The following ATXN7 variants were observed in gnomAD, a reference collection of about 807,000 sequenced individuals.
The protein encoded by ATXN7 is ataxin 7.
ATXN7 carries 12 observed loss-of-function variants against 70.5 expected under a neutral mutation model. The observed-to-expected ratio is 0.17, with a 90% confidence interval of 0.11 to 0.28. ATXN7 has a LOEUF of 0.28. Ranked by LOEUF, ATXN7 falls within the 10% of genes least tolerant of loss-of-function variation. The pLI is 1.00. For missense variants in ATXN7, 1,256 were observed against 1,131.7 expected (o/e 1.11, Z -1.58); for synonymous variants, 498 against 448.7 (o/e 1.11, Z -1.39).
At chr3:63,896,678 G>A (rs2107259258) in intron 1 of ATXN7, among the ~76,000 whole-genome samples, 1 of 152,284 alleles carries the variant, frequency 6.6e-6, no homozygotes. Flanking sequence ...CCATACTAAA[G>A]AAAGGCTCTT....
At chr3:63,989,379 C>T (rs1456546185) in intron 9 of ATXN7, among the ~76,000 whole-genome samples, 1 of 152,220 alleles carries the variant, frequency 6.6e-6, no homozygotes, top group African/African-American at 2.4e-5. Flanking sequence ...AGGCTATCCA[C>T]ATAAAGTGGT....
At chr3:63,892,401 CACACACACA>C (rs1575854764) in intron 1 of ATXN7, among the ~76,000 whole-genome samples, 3 of 150,684 alleles carry the variant, frequency 2.0e-5, no homozygotes, top group Non-Finnish European at 3.0e-5. Context: ...CACACACACA[CACACACACA>C]CCCGCCAACT....
At chr3:63,922,329 A>G (rs563863445) in intron 4 of ATXN7, among the ~76,000 whole-genome samples, 6 of 152,332 alleles carry the variant, frequency 3.9e-5, no homozygotes, top group East Asian at 1.9e-4. Flanking sequence ...GGCATGAGCA[A>G]TCATGCCCAA....
chr3:63,865,474 G>A (rs1702384012), intron 1 of ATXN7: 1 of 152,214 alleles, frequency 6.6e-6, no homozygotes, highest in Non-Finnish European at 1.5e-5. Context: ...GGTTTTAGGA[G>A]ACAGGGCACT....
chr3:63,976,301 A>G (rs1326076333), intron 5 of ATXN7, among the ~76,000 whole-genome samples: 2 of 152,192 alleles, frequency 1.3e-5, no homozygotes, highest in African/African-American at 4.8e-5. Context: ...TTGTGGGGGG[A>G]AAGCCAGATG....
intron 5 of ATXN7, among the ~76,000 whole-genome samples, chr3:63,970,640 C>G (rs2075295841): frequency 6.6e-6 from 1 of 152,166 alleles, no homozygotes; most frequent in Admixed American, 6.5e-5. Flanking sequence ...TTAGAAAGAA[C>G]AGTCCTTTTG....
At chr3:63,885,528 G>A (rs1703060728) in intron 1 of ATXN7, among the ~76,000 whole-genome samples, 1 of 152,140 alleles carries the variant, frequency 6.6e-6, no homozygotes, top group African/African-American at 2.4e-5. Context: ...AAGAAAAACA[G>A]TATGGAGGTT....
intron 1 of ATXN7, among the ~76,000 whole-genome samples, chr3:63,890,563 TTTG>T (rs1284327658): frequency 6.6e-6 from 1 of 152,208 alleles, no homozygotes; most frequent in African/African-American, 2.4e-5. Flanking sequence ...GACCCTTGAT[TTTG>T]TTATCTGTAT....
intron 5 of ATXN7, among the ~76,000 whole-genome samples, chr3:63,961,455 T>A (rs2075129961): frequency 6.6e-6 from 1 of 152,194 alleles, no homozygotes; most frequent in Non-Finnish European, 1.5e-5. Context: ...ATTCTCCGCA[T>A]GGAACCTGGT....
intron 4 of ATXN7, among the ~76,000 whole-genome samples, chr3:63,948,140 G>T (rs559788364): frequency 1.8e-4 from 28 of 152,174 alleles, no homozygotes; most frequent in Non-Finnish European, 2.9e-4. Flanking sequence ...CATTGAAAGG[G>T]TGCTGGTGGC....
intron 5 of ATXN7, chr3:63,968,583 AG>A (rs2075263693): frequency 6.6e-6 from 1 of 152,264 alleles, no homozygotes; most frequent in Admixed American, 6.5e-5. Flanking sequence ...GTCAAGAGGA[AG>A]AACAACTTCA....
chr3:63,989,504 T>C, intron 9 of ATXN7, among the ~76,000 whole-genome samples: 1 of 152,170 alleles, frequency 6.6e-6, no homozygotes, highest in South Asian at 2.1e-4. Flanking sequence ...TTTACACCAA[T>C]TGCAGATTGA....
intron 5 of ATXN7, among the ~76,000 whole-genome samples, chr3:63,954,448 C>G (rs1345285393): frequency 1.3e-5 from 2 of 152,156 alleles, no homozygotes; most frequent in African/African-American, 2.4e-5. Context: ...CAGGCTGGGA[C>G]TAGCTCACAG....
rs957265637 is a variant in ATXN7 at position 63,975,341 on chromosome 3, T to C, written c.500-4574T>C. ...ACCAGAACACCAAATTTTTCTTCTT[T>C]AGAAGTATGTATTTGATAACCAAGT... On this transcript the variant is annotated intron_variant, in intron 5 of 12. Coordinates refer to ENST00000674280, the MANE Select transcript of ATXN7 (RefSeq NM_001377405.1). Among the ~76,000 whole-genome samples the C allele has an allele frequency of 1.8e-4, 28 of 152,332 alleles. No individual in the cohort carries two copies. In the East Asian group the frequency reaches 4.0e-3, roughly 22 times the overall value.
At chr3:63,863,797 C>CGCGGCGGCG (rs546741642), upstream of ATXN7, 378 of 1,245,706 alleles carry the variant, frequency 3.0e-4, no homozygotes, top group Middle Eastern at 9.4e-4. Context: ...CCATGGCGTG[C>CGCGGCGGCG]GCGGCGGCGG....
rs2106722047 is a variant in ATXN7 at position 63,970,677 on chromosome 3, T to C, written c.500-9238T>C. Among the ~76,000 whole-genome samples the C allele has an allele frequency of 2.0e-5, 3 of 152,250 alleles. No homozygotes were observed. In the South Asian group the frequency reaches 6.2e-4, roughly 32 times the overall value. ...GAAGAATTCCTGGCAAGAGGATTAT[T>C]TGAGGTTGCCATATTTCTGCTCCTT... On this transcript the variant is annotated intron_variant, in intron 5 of 12. Coordinates refer to ENST00000674280, the MANE Select transcript of ATXN7 (RefSeq NM_001377405.1).
intron 1 of ATXN7, among the ~76,000 whole-genome samples, chr3:63,885,312 G>A (rs537124656): frequency 5.3e-5 from 8 of 152,104 alleles, no homozygotes; most frequent in Admixed American, 2.0e-4. Flanking sequence ...TTGACAAGAC[G>A]TACAGATGGC....
At chr3:63,916,383 G>T (rs1430814749) in intron 4 of ATXN7, among the ~76,000 whole-genome samples, 3 of 152,150 alleles carry the variant, frequency 2.0e-5, no homozygotes, top group Non-Finnish European at 4.4e-5. Context: ...TCTAGGGTAG[G>T]TGTTCACAGC....
At chr3:63,897,670 A>G (rs1258046117) in intron 1 of ATXN7, among the ~76,000 whole-genome samples, 1 of 152,202 alleles carries the variant, frequency 6.6e-6, no homozygotes, top group Non-Finnish European at 1.5e-5. Flanking sequence ...CTTGTGCTTT[A>G]TACCTTGACA....
Sources: gnomAD v4.1 joint callset for allele counts (sites outside exome capture counted in the v4.1 genomes callset) on GRCh38, gnomAD v4.1.1 for gene constraint, MANE v1.5 for transcripts, NCBI Gene and HGNC (gene_info 2026-07-23, HGNC 2026-07-21) for gene names.